The following SAMD5 variants were observed in gnomAD, a reference collection of about 807,000 sequenced individuals.
SAMD5 encodes sterile alpha motif domain-containing protein 5.
SAMD5 carries 13 observed loss-of-function variants against 11.3 expected under a neutral mutation model. That is an observed-to-expected ratio of 1.15 (90% CI 0.75 to 1.83). The LOEUF is 1.83. Ranked by LOEUF, SAMD5 falls within the 40% of genes most tolerant of loss-of-function variation. The probability of loss-of-function intolerance (pLI) is 0.00; values close to 1 mark genes in which losing one functional copy is unlikely to be tolerated. For synonymous variants in SAMD5, 129 were observed against 111.3 expected, an observed-to-expected ratio of 1.16 and a Z score of -1.00; for missense variants, 255 against 239.1, an observed-to-expected ratio of 1.07 and a Z score of -0.44.
chr6:147,624,123 G>A (rs1333379407), intron 1 of SAMD5, among the ~76,000 whole-genome samples: 1 of 152,196 alleles, frequency 6.6e-6, no homozygotes, highest in African/African-American at 2.4e-5. Context: ...ACCCGCCTCA[G>A]CCTCTCAAAG....
chr6:147,637,887 A>G (rs1484875730), intron 1 of SAMD5, among the ~76,000 whole-genome samples: 12 of 151,074 alleles, frequency 7.9e-5, no homozygotes, highest in Non-Finnish European at 1.5e-4. Context: ...TTTTAAACCA[A>G]TTTAATACCT....
At chr6:147,836,262 A>G in the SAMD5 span, among the ~76,000 whole-genome samples, 1 of 152,186 alleles carries the variant, frequency 6.6e-6, no homozygotes, top group African/African-American at 2.4e-5. Context: ...TTACTCTTCC[A>G]AGTTCTATTT....
chr6:147,537,445 C>CA (rs1221683538), intron 1 of SAMD5, among the ~76,000 whole-genome samples: 1 of 151,904 alleles, frequency 6.6e-6, no homozygotes, highest in Non-Finnish European at 1.5e-5. Context: ...ATGGTAACTC[C>CA]AAAAAAATTT....
chr6:147,894,949 G>A, the SAMD5 span, among the ~76,000 whole-genome samples: 1 of 152,186 alleles, frequency 6.6e-6, no homozygotes, highest in Non-Finnish European at 1.5e-5. Context: ...GTAATAGGAA[G>A]TATTAGCATA....
intron 1 of SAMD5, among the ~76,000 whole-genome samples, chr6:147,613,930 G>A (rs1789827184): frequency 6.6e-6 from 1 of 151,934 alleles, no homozygotes. Flanking sequence ...TCCTTCTGGT[G>A]AGTGCTCTAT....
At chr6:147,916,387 T>C in the SAMD5 span, among the ~76,000 whole-genome samples, 1 of 152,178 alleles carries the variant, frequency 6.6e-6, no homozygotes, top group Admixed American at 6.5e-5. Flanking sequence ...AAAGTGTTCC[T>C]ATTTTTCCAC....
the SAMD5 span, among the ~76,000 whole-genome samples, chr6:147,823,880 A>G: frequency 6.6e-6 from 1 of 152,226 alleles, no homozygotes; most frequent in Non-Finnish European, 1.5e-5. Context: ...TACTTTTTAC[A>G]TACCTCATCT....
At chr6:147,930,127 A>G in the SAMD5 span, among the ~76,000 whole-genome samples, 1 of 152,176 alleles carries the variant, frequency 6.6e-6, no homozygotes, top group Non-Finnish European at 1.5e-5. Context: ...GTGCATGGAC[A>G]CAAGGCAGCC....
the SAMD5 span, among the ~76,000 whole-genome samples, chr6:147,951,407 C>T: frequency 6.6e-6 from 1 of 152,018 alleles, no homozygotes; most frequent in Non-Finnish European, 1.5e-5. Context: ...GTTTCGATAT[C>T]CTGGCCTCGT....
rs144502552 is a variant in SAMD5, at chr6:147,633,311, G to A, written c.163-104006G>A. ...CTTTGAAAAGATGAAAAATTCCAGCGGGCACCGCCTGCCATGTCTTCTGTT... is the reference window on the plus strand; with the variant it reads ...CTTTGAAAAGATGAAAAATTCCAGCAGGCACCGCCTGCCATGTCTTCTGTT... On this transcript the variant is annotated intron_variant, in intron 1 of 1. Transcript: ENST00000566741. Among the ~76,000 whole-genome samples, 130 of 152,182 alleles carry A rather than the reference G, an allele frequency of 8.5e-4. 1 individual carries two copies. Among genetic ancestry groups the A allele is most frequent in the African/African-American group, 2.4e-3 (100 of 41,546 alleles).
the SAMD5 span, among the ~76,000 whole-genome samples, chr6:147,821,697 T>G: frequency 6.6e-6 from 1 of 152,194 alleles, no homozygotes; most frequent in Non-Finnish European, 1.5e-5. Flanking sequence ...CGGAAGATGA[T>G]TGGGCAAGTT....
chr6:147,542,564 A>G (rs918951800), intron 1 of SAMD5, among the ~76,000 whole-genome samples: 1 of 152,098 alleles, frequency 6.6e-6, no homozygotes, highest in African/African-American at 2.4e-5. Context: ...TTGGTCAGGG[A>G]TGAAATCATA....
the SAMD5 span, among the ~76,000 whole-genome samples, chr6:147,773,289 A>G: frequency 6.6e-6 from 1 of 152,200 alleles, no homozygotes; most frequent in African/African-American, 2.4e-5. Context: ...CTGGATGTCC[A>G]GGCAGAAGAA....
the SAMD5 span, among the ~76,000 whole-genome samples, chr6:147,920,189 T>C: frequency 2.0e-5 from 3 of 152,208 alleles, no homozygotes; most frequent in African/African-American, 7.2e-5. Flanking sequence ...CCACCTTCAG[T>C]CTGGGTGGGC....
At chr6:147,942,840 T>TTTTTTTTTTTTC in the SAMD5 span, among the ~76,000 whole-genome samples, 2 of 147,424 alleles carry the variant, frequency 1.4e-5, no homozygotes, top group African/African-American at 5.1e-5. Flanking sequence ...TTTTTTTTTT[T>TTTTTTTTTTTTC]CTGAGATGGA....
chr6:147,924,815 T>TAAAA, the SAMD5 span, among the ~76,000 whole-genome samples: 15 of 145,484 alleles, frequency 1.0e-4, 1 homozygote, highest in South Asian at 8.5e-4. Context: ...AATAAATAAA[T>TAAAA]AAAATCAACT....
At chr6:147,841,169 A>G in the SAMD5 span, among the ~76,000 whole-genome samples, 6 of 152,300 alleles carry the variant, frequency 3.9e-5, no homozygotes, top group Non-Finnish European at 7.4e-5. Context: ...AGCTTTGGTT[A>G]TATGTTCTGC....
the SAMD5 span, among the ~76,000 whole-genome samples, chr6:147,781,433 A>G: frequency 6.6e-6 from 1 of 152,114 alleles, no homozygotes; most frequent in African/African-American, 2.4e-5. Flanking sequence ...TTCCTGTTTT[A>G]CTTAAATCTA....
intron 1 of SAMD5, among the ~76,000 whole-genome samples, chr6:147,637,441 T>G (rs1354498094): frequency 1.3e-5 from 2 of 152,120 alleles, no homozygotes; most frequent in Non-Finnish European, 1.5e-5. Context: ...ACCCTCAGGG[T>G]TAAGGATGGA....
Sources: gnomAD v4.1 joint callset for allele counts (sites outside exome capture counted in the v4.1 genomes callset) on GRCh38, gnomAD v4.1.1 for gene constraint, MANE v1.5 for transcripts, NCBI Gene and HGNC (gene_info 2026-07-23, HGNC 2026-07-21) for gene names.